ULK4: variants seen among roughly 807,000 people sequenced by gnomAD.
ULK4 encodes the protein inactive serine/threonine-protein kinase ULK4.
In ULK4, 133 loss-of-function variants were observed where a neutral mutation model predicts 160.6. The ratio of observed to expected loss-of-function variants is 0.83; its 90% CI spans 0.72 to 0.96. ULK4 has a LOEUF of 0.96. ULK4 is among the 40% of genes least tolerant of loss of function. The pLI is 0.00. For missense variants in ULK4, 1,580 were observed against 1,499.5 expected (o/e 1.05, Z -0.89); for synonymous variants, 534 against 539.8 (o/e 0.99, Z 0.15).
intron 32 of ULK4, among the ~76,000 whole-genome samples, chr3:41,559,237 T>C (rs2087457832): frequency 7.5e-6 from 1 of 133,282 alleles, no homozygotes; most frequent in Non-Finnish European, 1.7e-5. Context: ...TAGTATTCCA[T>C]GGTGTATATG....
chr3:41,323,896 G>C (rs181802125), intron 35 of ULK4, among the ~76,000 whole-genome samples: 22 of 152,188 alleles, frequency 1.4e-4, no homozygotes, highest in Admixed American at 4.6e-4. Context: ...TTTTGTGAAT[G>C]GCATAGGTCA....
chr3:41,567,600 T>C (rs1487791020), intron 31 of ULK4, among the ~76,000 whole-genome samples: 1 of 151,694 alleles, frequency 6.6e-6, no homozygotes, highest in Non-Finnish European at 1.5e-5. Context: ...GCATGCACCG[T>C]CATACCCGGC....
chr3:41,431,613 T>A (rs1238008691), intron 34 of ULK4, among the ~76,000 whole-genome samples: 1 of 145,252 alleles, frequency 6.9e-6, no homozygotes, highest in Non-Finnish European at 1.5e-5. Context: ...CATCTGTTAA[T>A]CAGTAAAGCC....
At chr3:41,527,313 G>T (rs1455131205) in intron 32 of ULK4, among the ~76,000 whole-genome samples, 1 of 152,218 alleles carries the variant, frequency 6.6e-6, no homozygotes, top group Non-Finnish European at 1.5e-5. Flanking sequence ...AACAAGGGTA[G>T]AAATTCTGAG....
chr3:41,335,466 A>T (rs958899611), intron 35 of ULK4, among the ~76,000 whole-genome samples: 1 of 152,202 alleles, frequency 6.6e-6, no homozygotes, highest in Non-Finnish European at 1.5e-5. Context: ...ATTGGTAAAA[A>T]TATATCTTGG....
At chr3:41,421,757 T>G (rs2082669362) in intron 34 of ULK4, among the ~76,000 whole-genome samples, 1 of 152,184 alleles carries the variant, frequency 6.6e-6, no homozygotes, top group African/African-American at 2.4e-5. Flanking sequence ...GGTATGAGAC[T>G]TATTATAGCT....
chr3:41,374,250 CA>C (rs1454032950), intron 35 of ULK4, among the ~76,000 whole-genome samples: 6 of 152,098 alleles, frequency 3.9e-5, no homozygotes, highest in African/African-American at 1.4e-4. Flanking sequence ...CTATTCCAAA[CA>C]ACAGAAAAAG....
chr3:41,558,954 C>G (rs71615407), intron 32 of ULK4, among the ~76,000 whole-genome samples: 4 of 135,474 alleles, frequency 3.0e-5, no homozygotes, highest in African/African-American at 1.0e-4. Context: ...TATACATGTG[C>G]CATGCTGGTG....
intron 32 of ULK4, among the ~76,000 whole-genome samples, chr3:41,499,114 G>C (rs114158586): frequency 4.2e-4 from 64 of 152,220 alleles, no homozygotes; most frequent in African/African-American, 1.5e-3. Context: ...GAAATGTCTA[G>C]AAAAGACAAA....
At position 41,800,327 on chromosome 3, in the gene ULK4, T is replaced by G; in HGVS notation, c.1849-34A>C. 3 of 1,558,462 alleles carry G rather than the reference T, an allele frequency of 1.9e-6. 1 individual carries two copies. The highest frequency in any genetic ancestry group is 1.2e-5 in the South Asian group (1 of 85,758). On this transcript the variant is annotated intron_variant, in intron 19 of 36. Coordinates refer to ENST00000301831, the MANE Select transcript of ULK4 (RefSeq NM_017886.4). ...AAAGGAGATTAAAATAATATTAGTG[T>G]GAGAAATAAATACATGTTATTTCTT...
chr3:41,377,937 C>G (rs1285227136), intron 35 of ULK4, among the ~76,000 whole-genome samples: 3 of 151,380 alleles, frequency 2.0e-5, no homozygotes, highest in Non-Finnish European at 4.4e-5. Flanking sequence ...ATGTTTATTG[C>G]AGCACTATTC....
chr3:41,471,279 G>A (rs572668354), intron 32 of ULK4, among the ~76,000 whole-genome samples: 3 of 152,168 alleles, frequency 2.0e-5, no homozygotes, highest in South Asian at 4.1e-4. Flanking sequence ...TGATAAAAGG[G>A]TCAGTTCAAC....
At chr3:41,580,338 T>C (rs2030192802) in intron 31 of ULK4, among the ~76,000 whole-genome samples, 1 of 152,046 alleles carries the variant, frequency 6.6e-6, no homozygotes, top group South Asian at 2.1e-4. Context: ...TAGAATCTTA[T>C]CTCTCAGGGC....
chr3:41,757,586 C>G (rs138604177), intron 21 of ULK4, among the ~76,000 whole-genome samples: 4 of 141,026 alleles, frequency 2.8e-5, no homozygotes, highest in African/African-American at 1.1e-4. Flanking sequence ...GAGCCGATAT[C>G]GTGCCACTAC....
chr3:41,783,681 T>C (rs2039920027), intron 21 of ULK4, among the ~76,000 whole-genome samples: 1 of 152,192 alleles, frequency 6.6e-6, no homozygotes, highest in African/African-American at 2.4e-5. Context: ...GCTTGAATTC[T>C]CTATACTACT....
chr3:41,683,827 T>C (rs35908999), intron 27 of ULK4, among the ~76,000 whole-genome samples: 23,264 of 151,984 alleles, frequency 0.15, 2,259 homozygotes, highest in Admixed American at 0.22. Context: ...TGTAATATTC[T>C]TTAAGTACAT....
At chr3:41,427,257 T>C (rs747081182) in intron 34 of ULK4, among the ~76,000 whole-genome samples, 3 of 152,124 alleles carry the variant, frequency 2.0e-5, no homozygotes, top group Non-Finnish European at 4.4e-5. Context: ...GTTCTGAAAT[T>C]GAGGCAGTAA....
At chr3:41,503,125 G>T (rs932076159) in intron 32 of ULK4, among the ~76,000 whole-genome samples, 2 of 152,178 alleles carry the variant, frequency 1.3e-5, no homozygotes, top group Non-Finnish European at 2.9e-5. Flanking sequence ...GGAGGTCAGA[G>T]AACATATAGA....
At chr3:41,491,861 T>G (rs1424983790) in intron 32 of ULK4, among the ~76,000 whole-genome samples, 1 of 151,582 alleles carries the variant, frequency 6.6e-6, no homozygotes, top group African/African-American at 2.4e-5. Context: ...AGGTATACCT[T>G]CTAATGCTAT....
Sources: allele counts gnomAD v4.1 joint callset (sites outside exome capture counted in the v4.1 genomes callset), GRCh38; gene constraint gnomAD v4.1.1; transcripts MANE v1.5; gene names NCBI Gene and HGNC (gene_info 2026-07-23, HGNC 2026-07-21).